Variants in ALDH4A1 observed in about 807,000 individuals in gnomAD.
The protein encoded by ALDH4A1 is aldehyde dehydrogenase 4 family member A1, also known as delta-1-pyrroline-5-carboxylate dehydrogenase, mitochondrial.
Under a neutral mutation model 70.5 loss-of-function variants are expected in ALDH4A1, and 46 were observed. That is an observed-to-expected ratio of 0.65 (90% CI 0.51 to 0.83). The LOEUF is 0.83. ALDH4A1 is among the 40% of genes least tolerant of loss of function. ALDH4A1 has a pLI of 0.00. For synonymous variants in ALDH4A1, 323 were observed against 324.3 expected (o/e 1.00, Z 0.04); for missense variants, 749 against 766.5 (o/e 0.98, Z 0.27).
In ALDH4A1 at chr1:18,880,525, C is replaced by A. The variant is rs1400070627; in HGVS notation, c.867-1152G>T. Among the ~76,000 whole-genome samples the A allele has an allele frequency of 6.6e-6, 1 of 152,032 alleles. No individual in the cohort carries two copies. The highest frequency in any genetic ancestry group is 1.5e-5 in the Non-Finnish European group (1 of 68,000). ...GCCCCTACCACCCCTCCCTGGAGGT[C>A]AACAGTCCCTGGCCAGTCTCCTGCA... On this transcript the variant is annotated intron_variant, in intron 8 of 14. Coordinates refer to ENST00000375341, the MANE Select transcript of ALDH4A1 (RefSeq NM_003748.4). This position sits in a 1 kb window ranked among gnomAD's most constrained non-coding sequence, Gnocchi z 5.1.
Position 18,880,406 on chromosome 1 carries a change from A to G in ALDH4A1, c.867-1033T>C, listed in dbSNP as rs1934924645. Among the ~76,000 whole-genome samples the G allele has an allele frequency of 6.6e-6, 1 of 150,642 alleles. No individual in the cohort carries two copies. On this transcript the variant is annotated intron_variant, in intron 8 of 14. Transcript: ENST00000375341. The surrounding 1 kb of genome is among the most constrained non-coding windows in gnomAD (Gnocchi z 5.1). ...CATCCCCACACGCACCCCAACCCCA[A>G]CTCCAGGACAGGCAATGGCCACTGT...
chr1:18,893,659 C>T (rs1197687676), intron 1 of ALDH4A1, among the ~76,000 whole-genome samples: 2 of 152,156 alleles, frequency 1.3e-5, no homozygotes, highest in African/African-American at 4.8e-5. Context: ...CCCGCCACCA[C>T]ACCCAGCTCA....
chr1:18,896,349 C>T (rs1935615011), intron 1 of ALDH4A1, among the ~76,000 whole-genome samples: 1 of 152,188 alleles, frequency 6.6e-6, no homozygotes, highest in Admixed American at 6.5e-5. Flanking sequence ...GACTGGACTC[C>T]AAGGCCAGTG....
intron 3 of ALDH4A1, among the ~76,000 whole-genome samples, chr1:18,887,761 C>T (rs991544510): frequency 6.6e-6 from 1 of 152,186 alleles, no homozygotes; most frequent in Non-Finnish European, 1.5e-5. Context: ...TCACCCATAC[C>T]GATGAGTACC....
intron 2 of ALDH4A1, among the ~76,000 whole-genome samples, chr1:18,889,691 A>C: frequency 6.6e-6 from 1 of 152,242 alleles, no homozygotes; most frequent in Non-Finnish European, 1.5e-5. Flanking sequence ...AGATAAAAAA[A>C]CTGCACCTGA....
intron 1 of ALDH4A1, among the ~76,000 whole-genome samples, chr1:18,901,972 G>A (rs1349236915): frequency 2.0e-5 from 3 of 151,510 alleles, no homozygotes; most frequent in Non-Finnish European, 2.9e-5. Context: ...TGTGGGGAGC[G>A]GAAAAGAGAG....
At chr1:18,900,128 C>T (rs935147920) in intron 1 of ALDH4A1, among the ~76,000 whole-genome samples, 2 of 152,086 alleles carry the variant, frequency 1.3e-5, no homozygotes, top group African/African-American at 4.8e-5. Context: ...CTGTACTTTT[C>T]ACAGTTGACA....
At chr1:18,893,052 G>A (rs1935497815) in intron 1 of ALDH4A1, among the ~76,000 whole-genome samples, 1 of 152,158 alleles carries the variant, frequency 6.6e-6, no homozygotes, top group African/African-American at 2.4e-5. Context: ...ACCCACCAAA[G>A]ATGGTGAGCC....
intron 7 of ALDH4A1, among the ~76,000 whole-genome samples, chr1:18,882,212 C>T (rs1455833991): frequency 1.3e-5 from 2 of 152,210 alleles, no homozygotes; most frequent in Non-Finnish European, 2.9e-5. Context: ...CCGGGCGCGG[C>T]GGGGCAAGTA....
chr1:18,881,157 T>C (rs116651898), intron 8 of ALDH4A1, among the ~76,000 whole-genome samples: 52 of 152,242 alleles, frequency 3.4e-4, no homozygotes, highest in African/African-American at 1.2e-3. Flanking sequence ...CCTCACTCTC[T>C]TGCCCTGTCG....
Position 18,902,458 on chromosome 1 carries a change from T to G in ALDH4A1, c.62+4A>C. On this transcript the variant is annotated splice_donor_region_variant and intron_variant, in intron 1 of 14. Transcript: ENST00000375341. ...GGGCCGCCCCGGGCCCCGTGCTCAC[T>G]CACCCGGCCCCGGTCCAGGGGCGGG... is the stretch of plus-strand genomic sequence containing the variant. 7.3e-7 allele frequency: 1 copy of G among 1,375,900 alleles called. No homozygotes were observed. 85.2% of individuals were successfully genotyped at this position (1,375,900 alleles called of 1,614,324 possible). A position where few individuals can be genotyped will look rare whatever the true frequency, so the allele number is the denominator to read the frequency against.
At chr1:18,891,953 G>A (rs760818729) in intron 1 of ALDH4A1, among the ~76,000 whole-genome samples, 10 of 151,988 alleles carry the variant, frequency 6.6e-5, no homozygotes, top group East Asian at 3.9e-4. Flanking sequence ...ACATGAACCC[G>A]GGAGGCAGAG....
At position 18,895,128 on chromosome 1, in the gene ALDH4A1, G is replaced by A. The variant is rs955453018; in HGVS notation, c.63-5023C>T. On this transcript the variant is annotated intron_variant, in intron 1 of 14. Transcript: ENST00000375341. ...CAGCTCACTCAATTATTCAGCATGC[G>A]TTTTCCAAGCACCCAGGAAGTGCCT... 3.9e-5 allele frequency among the ~76,000 whole-genome samples: 6 copies of A among 152,064 alleles called. 1 individual carries two copies. The highest frequency in any genetic ancestry group is 3.2e-3 in the Middle Eastern group (1 of 316).
intron 1 of ALDH4A1, chr1:18,890,859 C>A (rs1487399634): frequency 5.1e-6 from 5 of 985,384 alleles, no homozygotes; most frequent in Non-Finnish European, 6.0e-6. Context: ...AACACAGTCT[C>A]AGAATGTGAA....
intron 1 of ALDH4A1, among the ~76,000 whole-genome samples, chr1:18,894,934 C>T (rs896202503): frequency 7.0e-6 from 1 of 142,052 alleles, no homozygotes; most frequent in African/African-American, 2.7e-5. Context: ...CCACTGGCTG[C>T]TCGGGTGAAG....
intron 1 of ALDH4A1, among the ~76,000 whole-genome samples, chr1:18,891,946 T>G (rs9426648): frequency 6.6e-6 from 1 of 151,486 alleles, no homozygotes. Context: ...AAGAATCACA[T>G]GAACCCGGGA....
chr1:18,885,427 T>TACCACCCCCCCCCCCCCCCCCCCCCCC, intron 5 of ALDH4A1, 46 bp downstream of exon 5: 2 of 650,922 alleles, frequency 3.1e-6, no homozygotes, highest in Non-Finnish European at 5.4e-6. Flanking sequence ...CACACCTGAC[T>TACCACCCCCCCCCCCCCCCCCCCCCCC]CCCACCCCAC....
chr1:18,875,641 T>G, intron 12 of ALDH4A1, 138 bp from the exon 13 acceptor site: 1 of 1,390,226 alleles, frequency 7.2e-7, no homozygotes, highest in Non-Finnish European at 1.0e-6. Flanking sequence ...GCAAGAAGGG[T>G]CAGGTGTCGC....
Position 18,872,931 on chromosome 1 carries a change from G to T in ALDH4A1, c.1606C>A (p.His536Asn), listed in dbSNP as rs757656676. 6.2e-7 allele frequency: 1 copy of T among 1,614,096 alleles called. No individual in the cohort carries two copies. Among genetic ancestry groups the T allele is most frequent in the East Asian group, 2.2e-5 (1 of 44,880 alleles). Reference sequence around the variant, plus strand: ...GGCGACGTCCAGCGCAGGATGTAGTGTGGGCCCCCTGGCTTGTCATTGGTT... The same window carrying T: ...GGCGACGTCCAGCGCAGGATGTAGTTTGGGCCCCCTGGCTTGTCATTGGTT... ...SGTNDKPGGP[H>N]YILRWTSPQV... The change falls in exon 15 of 15, where the codon CAC becomes AAC. Residue 536 changes from histidine (H) to asparagine (N), a missense_variant. His to Asn is a moderately conservative substitution (Grantham distance 68). Coordinates refer to ENST00000375341, the MANE Select transcript of ALDH4A1 (RefSeq NM_003748.4).
Sources: allele counts gnomAD v4.1 joint callset (sites outside exome capture counted in the v4.1 genomes callset), GRCh38; gene constraint gnomAD v4.1.1; non-coding constraint Gnocchi (gnomAD v3.1); transcripts MANE v1.5; gene names NCBI Gene and HGNC (gene_info 2026-07-23, HGNC 2026-07-21).